STK32B: variants seen among roughly 807,000 people sequenced by gnomAD.
STK32B encodes serine/threonine kinase 32B.
In STK32B, 43 loss-of-function variants were observed where a neutral mutation model predicts 52.6. The observed-to-expected ratio is 0.82, with a 90% CI of 0.64 to 1.05. The LOEUF (loss-of-function observed/expected upper bound fraction) is 1.05. Ranked by LOEUF, STK32B falls within the 50% of genes least tolerant of loss-of-function variation. The probability of loss-of-function intolerance (pLI) is 0.00; values close to 1 mark genes in which losing one functional copy is unlikely to be tolerated. For missense variants in STK32B, 621 were observed against 534.6 expected, an observed-to-expected ratio of 1.16 and a Z score of -1.59; for synonymous variants, 238 against 204.3, an observed-to-expected ratio of 1.17 and a Z score of -1.41.
At chr4:5,131,407 G>A (rs1332325696) in intron 1 of STK32B, among the ~76,000 whole-genome samples, 2 of 152,186 alleles carry the variant, frequency 1.3e-5, no homozygotes, top group African/African-American at 4.8e-5. Context: ...ATTGAAGTTT[G>A]AATATTTCCA....
intron 7 of STK32B, among the ~76,000 whole-genome samples, chr4:5,455,744 C>A (rs1405728279): frequency 6.6e-6 from 1 of 152,180 alleles, no homozygotes; most frequent in East Asian, 1.9e-4. Flanking sequence ...CGATGACAGA[C>A]ACTACTGGGG....
intron 3 of STK32B, among the ~76,000 whole-genome samples, chr4:5,218,219 C>T (rs562900158): frequency 7.0e-4 from 106 of 152,236 alleles, no homozygotes; most frequent in Admixed American, 1.1e-3. Context: ...GATTCCATTT[C>T]TTGATGTGAG....
At chr4:5,115,409 A>G (rs1419453582) in intron 1 of STK32B, among the ~76,000 whole-genome samples, 1 of 152,226 alleles carries the variant, frequency 6.6e-6, no homozygotes, top group Non-Finnish European at 1.5e-5. Context: ...CTCCAGCATT[A>G]CAGGAAACAT....
At chr4:5,102,323 G>A (rs1482379332) in intron 1 of STK32B, among the ~76,000 whole-genome samples, 1 of 152,136 alleles carries the variant, frequency 6.6e-6, no homozygotes, top group African/African-American at 2.4e-5. Flanking sequence ...TCCTGCGTCT[G>A]CACCACCGGA....
intron 1 of STK32B, among the ~76,000 whole-genome samples, chr4:5,102,510 C>CTCCCTCCTTCCT (rs1215028594): frequency 8.1e-6 from 1 of 123,388 alleles, no homozygotes; most frequent in Admixed American, 9.0e-5. Flanking sequence ...CCCTCCCTCC[C>CTCCCTCCTTCCT]TCCTTCCTTC....
intron 6 of STK32B, among the ~76,000 whole-genome samples, chr4:5,443,300 G>T (rs201722737): frequency 6.8e-6 from 1 of 147,828 alleles, no homozygotes; most frequent in Non-Finnish European, 1.5e-5. Flanking sequence ...GGCTTTGCTC[G>T]TTTCTTTTTA....
intron 3 of STK32B, among the ~76,000 whole-genome samples, chr4:5,186,198 C>G (rs1720723784): frequency 6.6e-6 from 1 of 152,150 alleles, no homozygotes; most frequent in South Asian, 2.1e-4. Flanking sequence ...CTCCATCAGC[C>G]CTCCTCGGGA....
chr4:5,213,492 A>C (rs1723018589), intron 3 of STK32B, among the ~76,000 whole-genome samples: 1 of 152,230 alleles, frequency 6.6e-6, no homozygotes, highest in South Asian at 2.1e-4. Context: ...GCTTAGACAC[A>C]GTTGAGAAAT....
chr4:5,043,791 C>T, the STK32B span, among the ~76,000 whole-genome samples: 1 of 152,262 alleles, frequency 6.6e-6, no homozygotes, highest in African/African-American at 2.4e-5. Context: ...CCCATGGCCA[C>T]TCCCACCTGC....
chr4:5,331,602 C>T (rs1732257263), intron 4 of STK32B, among the ~76,000 whole-genome samples: 1 of 152,172 alleles, frequency 6.6e-6, no homozygotes, highest in Non-Finnish European at 1.5e-5. Context: ...CCGTACACTA[C>T]TGTTTAGAGA....
chr4:5,435,132 T>C lies in STK32B; in HGVS notation c.563-11541T>C, dbSNP rs574624971. Among the ~76,000 whole-genome samples the C allele has an allele frequency of 3.5e-4, 54 of 152,350 alleles. No homozygotes were observed. The South Asian group carries it at 9.1e-3, about 26-fold the overall frequency. On this transcript the variant is annotated intron_variant, in intron 6 of 11. Coordinates refer to ENST00000282908, the MANE Select transcript of STK32B (RefSeq NM_018401.3). Reference sequence around the variant, plus strand: ...GCTGTGGACATGATGGCAGTTACAGTTGGCATTTCCAATGGCTGATAAATA... The same window carrying C: ...GCTGTGGACATGATGGCAGTTACAGCTGGCATTTCCAATGGCTGATAAATA...
chr4:5,456,795 C>A lies in STK32B; in HGVS notation c.667-12C>A, dbSNP rs553651026. 14 of 1,557,030 alleles carry A rather than the reference C, an allele frequency of 9.0e-6. No homozygotes were observed. Among genetic ancestry groups the A allele is most frequent in the Admixed American group, 1.8e-5 (1 of 55,240 alleles). On this transcript the variant is annotated splice_polypyrimidine_tract_variant and intron_variant, in intron 7 of 11. Transcript: ENST00000282908. ...TCTCTCTCTGATTCTGGCTGTTGTT[C>A]TTTGATTGCAGAGGCCGTACGAAAT...
chr4:5,117,178 G>A (rs1349622146), intron 1 of STK32B, among the ~76,000 whole-genome samples: 3 of 152,204 alleles, frequency 2.0e-5, no homozygotes, highest in Non-Finnish European at 2.9e-5. Flanking sequence ...GCACTAAGAT[G>A]AATAGCAGTG....
intron 3 of STK32B, among the ~76,000 whole-genome samples, chr4:5,242,222 A>G (rs1458516372): frequency 6.6e-6 from 1 of 152,084 alleles, no homozygotes; most frequent in African/African-American, 2.4e-5. Flanking sequence ...ATTTCTCCAC[A>G]TCCTCTTCAG....
chr4:5,391,653 A>AG (rs75821728), intron 4 of STK32B, among the ~76,000 whole-genome samples: 4,204 of 152,320 alleles, frequency 0.028, 160 homozygotes, highest in East Asian at 0.083. Flanking sequence ...CAGGGTGCAG[A>AG]GGTCAAGCCT....
chr4:5,300,721 C>T (rs1729498100), intron 3 of STK32B, among the ~76,000 whole-genome samples: 1 of 152,050 alleles, frequency 6.6e-6, no homozygotes, highest in South Asian at 2.1e-4. Flanking sequence ...CCTAAGAGTA[C>T]ATCTAACCAA....
chr4:5,129,294 CTCT>C lies in STK32B; in HGVS notation c.53-10606_53-10604del, dbSNP rs534645348. Among the ~76,000 whole-genome samples the C allele has an allele frequency of 1.1e-3, 167 of 152,302 alleles. 6 individuals carry two copies. Among genetic ancestry groups the C allele is most frequent in the Admixed American group, 7.8e-4 (12 of 15,298 alleles). ...TTGCCCTGCTCACTGAATAACTCTTCTCTTCTTTATTGGAGTCCAACCTAGGTC... is the reference window on the plus strand; with the variant it reads ...TTGCCCTGCTCACTGAATAACTCTTCTCTTTATTGGAGTCCAACCTAGGTC... On this transcript the variant is annotated intron_variant, in intron 1 of 11. Coordinates refer to ENST00000282908, the MANE Select transcript of STK32B (RefSeq NM_018401.3).
At position 5,457,201 on chromosome 4, in the gene STK32B, G is replaced by GT. The variant is rs869027028; in HGVS notation, c.783+288dup. ...AATAAACGGAAATAATGCATGTGGG[G>GT]TTTTTTTTTTCTTTTTTTTTTTTTT... is the stretch of plus-strand genomic sequence containing the variant. On this transcript the variant is annotated intron_variant, in intron 8 of 11. Coordinates refer to ENST00000282908, the MANE Select transcript of STK32B (RefSeq NM_018401.3). Among the ~76,000 whole-genome samples, 1,076 of 139,220 alleles carry GT rather than the reference G, an allele frequency of 7.7e-3. 20 individuals are homozygous for GT. The highest frequency in any genetic ancestry group is 0.027 in the African/African-American group (966 of 35,162). 91.3% of individuals were successfully genotyped at this position (139,220 alleles called of 152,430 possible). A position where few individuals can be genotyped will look rare whatever the true frequency, so the allele number is the denominator to read the frequency against.
chr4:5,280,733 A>G (rs889032174), intron 3 of STK32B, among the ~76,000 whole-genome samples: 1 of 151,918 alleles, frequency 6.6e-6, no homozygotes, highest in African/African-American at 2.4e-5. Context: ...CATCTCTACT[A>G]AAAACACACA....
Sources: gnomAD v4.1 joint callset for allele counts (sites outside exome capture counted in the v4.1 genomes callset) on GRCh38, gnomAD v4.1.1 for gene constraint, MANE v1.5 for transcripts, NCBI Gene and HGNC (gene_info 2026-07-23, HGNC 2026-07-21) for gene names.